Variants in MED22 observed in about 807,000 individuals in gnomAD.
The protein encoded by MED22 is mediator complex subunit 22, also known as mediator of RNA polymerase II transcription subunit 22.
MED22 carries 22 observed loss-of-function variants against 22.7 expected under a neutral mutation model. The ratio of observed to expected loss-of-function variants is 0.97; its 90% CI spans 0.69 to 1.38. The LOEUF (loss-of-function observed/expected upper bound fraction) is 1.38, where lower values mean the gene tolerates loss of function less well. Among genes scored for constraint, MED22 ranks in the 40% most tolerant of loss-of-function variants. MED22 has a pLI of 0.00. For synonymous variants in MED22, 134 were observed against 119.4 expected, an observed-to-expected ratio of 1.12 and a Z score of -0.80; for missense variants, 247 against 263.0, an observed-to-expected ratio of 0.94 and a Z score of 0.42.
chr9:133,344,854 G>A (rs1236587783), intron 3 of MED22, among the ~76,000 whole-genome samples: 3 of 152,152 alleles, frequency 2.0e-5, no homozygotes, highest in African/African-American at 7.2e-5. Context: ...ACTGACCTTA[G>A]GAACTCCTGA....
chr9:133,343,982 C>T, intron 4 of MED22, 143 bp downstream of exon 4: 1 of 1,481,240 alleles, frequency 6.8e-7, no homozygotes. Context: ...ACGCTCTGGC[C>T]AGGAGCTCTG....
chr9:133,342,977 A>T, intron 4 of MED22: 1 of 986,006 alleles, frequency 1.0e-6, no homozygotes, highest in Non-Finnish European at 1.2e-6. Flanking sequence ...ACAGCTGTGG[A>T]AGGAGATGCC....
chr9:133,342,784 G>T, intron 4 of MED22: 1 of 985,794 alleles, frequency 1.0e-6, no homozygotes, highest in Non-Finnish European at 1.2e-6. Flanking sequence ...GACTGTTGGG[G>T]GAGGGCATGG....
Position 133,338,721 on chromosome 9 carries a change from C to T in MED22, c.*2784G>A, listed in dbSNP as rs2129941369. ...CCTCCCAAAGTGCTGGGGTTGCAGG[C>T]GTAAGCCACCGCGCCCGGCCGATTT... is the stretch of plus-strand genomic sequence containing the variant. On this transcript the variant is annotated 3_prime_UTR_variant, in exon 5 of 5. Coordinates refer to ENST00000343730, the MANE Select transcript of MED22 (RefSeq NM_133640.5). 21 of 308,396 alleles carry T rather than the reference C, an allele frequency of 6.8e-5. No individual in the cohort carries two copies. The highest frequency in any genetic ancestry group is 4.3e-4 in the African/African-American group (20 of 46,096). The allele number at this position is 308,396 out of a possible 1,614,324, so 19.1% of individuals were successfully genotyped here.
chr9:133,343,281 T>C (rs1836067877), intron 4 of MED22: 3 of 1,224,400 alleles, frequency 2.5e-6, no homozygotes, highest in Non-Finnish European at 3.0e-6. Flanking sequence ...AGGCACAAGA[T>C]GGACATGGAC....
intron 2 of MED22, 95 bp from the exon 3 acceptor site, chr9:133,345,347 C>CA: frequency 8.2e-7 from 1 of 1,217,606 alleles, no homozygotes; most frequent in Non-Finnish European, 1.2e-6. Context: ...GTCATCTACC[C>CA]AGGATGTCCA....
chr9:133,344,092 C>T (rs2129959189), intron 4 of MED22, 33 bp downstream of exon 4: 234 of 1,609,904 alleles, frequency 1.5e-4, no homozygotes, highest in Non-Finnish European at 1.9e-4. Context: ...GGCAGGCTCC[C>T]GCTCTGCATG....
intron 4 of MED22, chr9:133,343,203 A>G: frequency 9.0e-7 from 1 of 1,117,228 alleles, no homozygotes; most frequent in Non-Finnish European, 1.1e-6. Context: ...TGTGGCTCCC[A>G]GCATGGCCAA....
In MED22 at chr9:133,341,199, T is replaced by A; in HGVS notation, c.*306A>T. ...GAAATCAGGCACCCTCCTGCCCCAC[T>A]GCTGAGATCCCCAACGGGCCAGACC... On this transcript the variant is annotated 3_prime_UTR_variant, in exon 5 of 5. Coordinates refer to ENST00000343730, the MANE Select transcript of MED22 (RefSeq NM_133640.5). 3.5e-6 allele frequency: 1 copy of A among 284,744 alleles called. No homozygotes were observed. The highest frequency in any genetic ancestry group is 6.5e-6 in the Non-Finnish European group (1 of 153,518). The allele number at this position is 284,744 out of a possible 1,614,324, so 17.6% of individuals were successfully genotyped here. A position where few individuals can be genotyped will look rare whatever the true frequency, so the allele number is the denominator to read the frequency against.
At chr9:133,345,329 C>T (rs2129964978) in intron 2 of MED22, 77 bp from the exon 3 acceptor site, 19 of 1,396,106 alleles carry the variant, frequency 1.4e-5, no homozygotes, top group African/African-American at 8.5e-5. Context: ...GCCCAGCTTA[C>T]GGTAACTGTC....
chr9:133,343,455 C>A (rs1836074960), intron 4 of MED22: 12 of 1,227,692 alleles, frequency 9.8e-6, no homozygotes. Context: ...TCTTACGGAG[C>A]CCCACAAGGG....
At chr9:133,341,976 C>G in intron 4 of MED22, 1 of 1,234,580 alleles carries the variant, frequency 8.1e-7, no homozygotes, top group Non-Finnish European at 1.0e-6. Flanking sequence ...GCCCAGCCTC[C>G]ACGTGGGCCT....
intron 4 of MED22, chr9:133,342,277 GGAT>G (rs1836028419): frequency 1.0e-6 from 1 of 986,186 alleles, no homozygotes. Flanking sequence ...ACGGCAGCCA[GGAT>G]GCAGGTGAAG....
At chr9:133,344,394 G>A (rs1446045226) in intron 3 of MED22, 61 bp from the exon 4 acceptor site, 25 of 1,557,766 alleles carry the variant, frequency 1.6e-5, no homozygotes, top group South Asian at 2.3e-5. Flanking sequence ...TTGCCTACAA[G>A]TAGCTGATGC....
chr9:133,346,422 T>A, intron 2 of MED22, 118 bp downstream of exon 2: 1 of 1,293,538 alleles, frequency 7.7e-7, no homozygotes, highest in East Asian at 2.3e-5. Context: ...ACCAGCTCCC[T>A]GTGCACTGGG....
chr9:133,341,703 C>T lies in MED22; in HGVS notation c.414-9G>A. Reference sequence around the variant, plus strand: ...CTTCGCAAAGGCTTGAGCTTTTCCACCACCAGAAACCCCAGGGAGAGACAG... The same window carrying T: ...CTTCGCAAAGGCTTGAGCTTTTCCATCACCAGAAACCCCAGGGAGAGACAG... On this transcript the variant is annotated splice_polypyrimidine_tract_variant and intron_variant, in intron 4 of 4. Coordinates refer to ENST00000343730, the MANE Select transcript of MED22 (RefSeq NM_133640.5). 6.2e-7 allele frequency: 1 copy of T among 1,604,304 alleles called. No individual in the cohort carries two copies. The highest frequency in any genetic ancestry group is 8.5e-7 in the Non-Finnish European group (1 of 1,175,830).
At position 133,339,338 on chromosome 9, in the gene MED22, A is replaced by G; in HGVS notation, c.*2167T>C. The G allele has an allele frequency of 1.4e-6, 1 of 717,680 alleles. No individual in the cohort carries two copies. The highest frequency in any genetic ancestry group is 2.7e-5 in the East Asian group (1 of 37,352). 44.5% of individuals were successfully genotyped at this position (717,680 alleles called of 1,614,324 possible). A position where few individuals can be genotyped will look rare whatever the true frequency, so the allele number is the denominator to read the frequency against. Reference sequence around the variant, plus strand: ...AGGAAAATGATCAGAAAAAGAGGGAAGCCAAAGAGAAAGGTACCTGGATTC... The same window carrying G: ...AGGAAAATGATCAGAAAAAGAGGGAGGCCAAAGAGAAAGGTACCTGGATTC... On this transcript the variant is annotated 3_prime_UTR_variant, in exon 5 of 5. Coordinates refer to ENST00000343730, the MANE Select transcript of MED22 (RefSeq NM_133640.5).
chr9:133,339,632 A>C lies in MED22; in HGVS notation c.*1873T>G. On this transcript the variant is annotated 3_prime_UTR_variant, in exon 5 of 5. Coordinates refer to ENST00000343730, the MANE Select transcript of MED22 (RefSeq NM_133640.5). Reference sequence around the variant, plus strand: ...GATGGACGAAGGAGAATGTGCTCAGAGAGGCAAACTGACAAGTACTTCCAT... The same window carrying C: ...GATGGACGAAGGAGAATGTGCTCAGCGAGGCAAACTGACAAGTACTTCCAT... The C allele has an allele frequency of 2.5e-6, 1 of 395,244 alleles. No individual in the cohort carries two copies. Among genetic ancestry groups the C allele is most frequent in the South Asian group, 2.6e-5 (1 of 38,954 alleles). 24.5% of individuals were successfully genotyped at this position (395,244 alleles called of 1,614,324 possible).
rs2129941293 is a variant in MED22, at chr9:133,338,689, G to A, written c.*2816C>T. On this transcript the variant is annotated 3_prime_UTR_variant, in exon 5 of 5. Transcript: ENST00000343730. ...AATCCCGACCTCAGGTGATCCGCCC[G>A]CCTTGGCCTCCCAAAGTGCTGGGGT... is the stretch of plus-strand genomic sequence containing the variant. 48 of 266,122 alleles carry A rather than the reference G, an allele frequency of 1.8e-4. No homozygotes were observed. In the South Asian group the frequency reaches 1.8e-3, roughly 10 times the overall value. 16.5% of individuals were successfully genotyped at this position (266,122 alleles called of 1,614,324 possible).
Sources: allele counts gnomAD v4.1 joint callset (sites outside exome capture counted in the v4.1 genomes callset), GRCh38; gene constraint gnomAD v4.1.1; transcripts MANE v1.5; gene names NCBI Gene and HGNC (gene_info 2026-07-23, HGNC 2026-07-21).